LHX8: variants seen among roughly 807,000 people sequenced by gnomAD.
LHX8 encodes LIM homeobox 8, also known as LIM/homeobox protein Lhx8.
Under a neutral mutation model 40.3 loss-of-function variants are expected in LHX8, and 12 were observed. That is an observed-to-expected ratio of 0.30 (90% CI 0.19 to 0.48). LHX8 has a LOEUF of 0.48. LHX8 is among the 20% of genes least tolerant of loss of function. LHX8 has a pLI of 0.99. For missense variants in LHX8, 344 were observed against 433.7 expected (o/e 0.79, Z 1.84); for synonymous variants, 179 against 162.0 (o/e 1.10, Z -0.80).
At chr1:75,144,473 G>T (rs537155059) in intron 6 of LHX8, among the ~76,000 whole-genome samples, 1 of 152,256 alleles carries the variant, frequency 6.6e-6, no homozygotes, top group Non-Finnish European at 1.5e-5. Context: ...CTACAATTGA[G>T]CAGATTCCTT....
chr1:75,164,311 G>C (rs1488036225), downstream of LHX8, among the ~76,000 whole-genome samples: 1 of 152,016 alleles, frequency 6.6e-6, no homozygotes, highest in Non-Finnish European at 1.5e-5. Context: ...CCACTATCTT[G>C]GTGGCAAGTA....
the LHX8 span, among the ~76,000 whole-genome samples, chr1:75,196,005 T>C: frequency 1.3e-5 from 2 of 152,188 alleles, no homozygotes; most frequent in Non-Finnish European, 2.9e-5. Context: ...ATGGGACTTA[T>C]AGTCTGGCGG....
chr1:75,169,313 G>A, the LHX8 span, among the ~76,000 whole-genome samples: 1 of 152,304 alleles, frequency 6.6e-6, no homozygotes, highest in African/African-American at 2.4e-5. Context: ...TGGCCTTGTT[G>A]CTTAATCTCA....
downstream of LHX8, among the ~76,000 whole-genome samples, chr1:75,162,270 C>T (rs554828143): frequency 3.3e-5 from 5 of 150,718 alleles, no homozygotes; most frequent in African/African-American, 4.9e-5. Flanking sequence ...TTTTTTAAAC[C>T]GGCTACTCTA....
chr1:75,132,202 C>G (rs1435459604), upstream of LHX8, among the ~76,000 whole-genome samples: 3 of 152,162 alleles, frequency 2.0e-5, no homozygotes, highest in Non-Finnish European at 4.4e-5. Flanking sequence ...TACCTTCGTA[C>G]GCCCACCCCT....
Position 75,137,131 on chromosome 1 carries a change from C to T in LHX8, c.107C>T (p.Ser36Leu), listed in dbSNP as rs1173451037. The part of the protein sequence containing the change: ...VSPEGAGDED[S>L]CSSSAPLSPS... Reference sequence around the variant, plus strand: ...CCCGAGGGAGCGGGGGACGAGGACTCGTGCTCCTCCTCGGCCCCGCTGTCC... The same window carrying T: ...CCCGAGGGAGCGGGGGACGAGGACTTGTGCTCCTCCTCGGCCCCGCTGTCC... The change falls in exon 3 of 9, where the codon TCG (serine) becomes TTG (leucine). Residue 36 changes from serine (S) to leucine (L), a missense_variant. Coordinates refer to ENST00000356261, the MANE Select transcript of LHX8 (RefSeq NM_001256114.2). 5.0e-6 allele frequency: 8 copies of T among 1,610,804 alleles called. No individual in the cohort carries two copies. Among genetic ancestry groups the T allele is most frequent in the Non-Finnish European group, 6.8e-6 (8 of 1,178,410 alleles).
At chr1:75,172,287 A>T in the LHX8 span, among the ~76,000 whole-genome samples, 2 of 152,186 alleles carry the variant, frequency 1.3e-5, no homozygotes, top group South Asian at 4.1e-4. Context: ...ATTTAAATAC[A>T]ATTTAGGAAT....
the LHX8 span, among the ~76,000 whole-genome samples, chr1:75,177,348 G>C: frequency 6.6e-6 from 1 of 152,026 alleles, no homozygotes; most frequent in Admixed American, 6.5e-5. Context: ...CTTTTATTTC[G>C]TTGATCAGTG....
intron 8 of LHX8, among the ~76,000 whole-genome samples, chr1:75,157,982 CAGAT>C (rs1557495654): frequency 1.3e-5 from 2 of 152,170 alleles, no homozygotes; most frequent in African/African-American, 4.8e-5. Context: ...GTCATTCTGA[CAGAT>C]AGTTTTTCAC....
intron 7 of LHX8, among the ~76,000 whole-genome samples, chr1:75,153,577 A>G (rs780181741): frequency 2.7e-5 from 4 of 150,234 alleles, no homozygotes; most frequent in Non-Finnish European, 5.9e-5. Context: ...ATGACTGGCT[A>G]ATTTTTGTAT....
chr1:75,138,434 A>T (rs1352556083), intron 3 of LHX8, among the ~76,000 whole-genome samples: 3 of 152,186 alleles, frequency 2.0e-5, no homozygotes, highest in East Asian at 1.9e-4. Flanking sequence ...ATGCCAGAAG[A>T]AGTTTTGGTA....
At chr1:75,194,518 T>C in the LHX8 span, among the ~76,000 whole-genome samples, 1 of 152,210 alleles carries the variant, frequency 6.6e-6, no homozygotes, top group Admixed American at 6.5e-5. Context: ...TGTAATTCCC[T>C]GCATTTGATA....
At chr1:75,159,514 C>T (rs1019116043) in intron 8 of LHX8, 21 of 152,080 alleles carry the variant, frequency 1.4e-4, no homozygotes, top group African/African-American at 5.1e-4. Context: ...AAAAAATCAT[C>T]CACCGACTTC....
intron 1 of LHX8, among the ~76,000 whole-genome samples, chr1:75,128,847 G>A (rs534707944): frequency 3.9e-5 from 6 of 152,286 alleles, no homozygotes; most frequent in Admixed American, 2.6e-4. Flanking sequence ...TAGTTGCCAC[G>A]ACAGAGGTGG....
At chr1:75,171,307 A>G in the LHX8 span, among the ~76,000 whole-genome samples, 2 of 152,042 alleles carry the variant, frequency 1.3e-5, no homozygotes, top group Non-Finnish European at 2.9e-5. Flanking sequence ...ACATCTACAT[A>G]TTTTTCAAAT....
chr1:75,181,092 G>A, the LHX8 span, among the ~76,000 whole-genome samples: 1 of 152,288 alleles, frequency 6.6e-6, no homozygotes, highest in South Asian at 2.1e-4. Context: ...CTTTGTCTCA[G>A]AGGGGCACCT....
the LHX8 span, among the ~76,000 whole-genome samples, chr1:75,197,128 T>G: frequency 2.0e-5 from 3 of 152,222 alleles, no homozygotes; most frequent in Non-Finnish European, 4.4e-5. Flanking sequence ...TAACAATTTA[T>G]GAAATAATTT....
At chr1:75,159,243 A>T (rs1279949062) in intron 8 of LHX8, 1 of 152,144 alleles carries the variant, frequency 6.6e-6, no homozygotes, top group East Asian at 1.9e-4. Flanking sequence ...TTTATTGGTA[A>T]AGTCAGCTAT....
chr1:75,194,961 A>G, the LHX8 span, among the ~76,000 whole-genome samples: 1 of 152,174 alleles, frequency 6.6e-6, no homozygotes, highest in Non-Finnish European at 1.5e-5. Context: ...TCATTCTCTC[A>G]TGTTTTGCTC....
Sources: allele counts gnomAD v4.1 joint callset (sites outside exome capture counted in the v4.1 genomes callset), GRCh38; gene constraint gnomAD v4.1.1; transcripts MANE v1.5; gene names NCBI Gene and HGNC (gene_info 2026-07-23, HGNC 2026-07-21).